The following MYBPC2 variants were observed in gnomAD, a reference collection of about 807,000 sequenced individuals.
The protein encoded by MYBPC2 is myosin-binding protein C, fast-type.
In MYBPC2, 122 loss-of-function variants were observed where a neutral mutation model predicts 137.0. That is an observed-to-expected ratio of 0.89 (90% CI 0.77 to 1.03). MYBPC2 has a LOEUF of 1.03. Among genes scored for constraint, MYBPC2 ranks in the 50% least tolerant of loss-of-function variants. The probability of loss-of-function intolerance (pLI) is 0.00; values close to 1 mark genes in which losing one functional copy is unlikely to be tolerated. For missense variants in MYBPC2, 1,500 were observed against 1,534.4 expected (o/e 0.98, Z 0.37); for synonymous variants, 626 against 612.3 (o/e 1.02, Z -0.33).
In MYBPC2 at chr19:50,459,245, C is replaced by T. The variant is rs775129408; in HGVS notation, c.2730C>T (p.Tyr910=). ...RQAARSDSGE[Y]ELSVQIENMK... is the part of the protein sequence containing the mutation. The stretch of plus-strand genomic sequence containing the variant: ...CGGCCCGCTCCGACTCCGGGGAGTA[C>T]GAGCTGAGCGTGCAGATCGAGAACA... The change falls in exon 23 of 28, where the codon TAC becomes TAT. Residue 910 remains tyrosine, a synonymous_variant. Transcript: ENST00000357701. 3.1e-6 allele frequency: 5 copies of T among 1,611,302 alleles called. No individual in the cohort carries two copies. Among genetic ancestry groups the T allele is most frequent in the South Asian group, 1.1e-5 (1 of 91,002 alleles).
intron 11 of MYBPC2, among the ~76,000 whole-genome samples, chr19:50,444,132 GTCCATCCA>G (rs3087049): frequency 0.017 from 2,481 of 144,560 alleles, 33 homozygotes; most frequent in Middle Eastern, 0.021. Context: ...CATCCACCCA[GTCCATCCA>G]TCCATCCATC....
At chr19:50,458,090 T>A (rs2039930161) in intron 20 of MYBPC2, among the ~76,000 whole-genome samples, 1 of 151,170 alleles carries the variant, frequency 6.6e-6, no homozygotes. Context: ...GGTGGGCGGA[T>A]CACGAGGTCA....
At position 50,440,949 on chromosome 19, in the gene MYBPC2, T is replaced by G; in HGVS notation, c.642T>G (p.Ile214Met). 6.2e-7 allele frequency: 1 copy of G among 1,613,484 alleles called. No homozygotes were observed. The highest frequency in any genetic ancestry group is 8.5e-7 in the Non-Finnish European group (1 of 1,179,722). The change falls in exon 8 of 28, where the codon ATT becomes ATG. Residue 214 changes from isoleucine to methionine, a missense_variant. Ile to Met is a conservative substitution (Grantham distance 10). Coordinates refer to ENST00000357701, the MANE Select transcript of MYBPC2 (RefSeq NM_004533.4). ...ATGACCTAGGCATCCCCCCGGAGAT[T>G]TGGGAGCTCCTGAAAGGGGCAAAGA... ...DDDDLGIPPE[I>M]WELLKGAKKS...
chr19:50,440,888 T>TGGA lies in MYBPC2; in HGVS notation c.589_591dup (p.Glu197dup), dbSNP rs1211262950. ...GTTCCCCCACCCGCCAGGGAGGTGG[T>TGGA]GGAGGAGGAGAAGAAGAAGAAAAAG... On this transcript the variant is annotated inframe_insertion, in exon 8 of 28. Transcript: ENST00000357701. 3.7e-6 allele frequency: 6 copies of TGGA among 1,610,696 alleles called. No individual in the cohort carries two copies. Among genetic ancestry groups the TGGA allele is most frequent in the Non-Finnish European group, 5.1e-6 (6 of 1,178,384 alleles).
In MYBPC2 at chr19:50,459,260, G is replaced by C. The variant is rs371362496; in HGVS notation, c.2745G>C (p.Gln915His). The C allele has an allele frequency of 6.2e-7, 1 of 1,611,000 alleles. No homozygotes were observed. Among genetic ancestry groups the C allele is most frequent in the African/African-American group, 1.3e-5 (1 of 74,726 alleles). Residue 915 changes from glutamine to histidine, a missense_variant, in exon 23 of 28, where the codon CAG becomes CAC. By Grantham distance (24) the Gln-to-His change is conservative (BLOSUM62 0). Transcript: ENST00000357701. ...CCGGGGAGTACGAGCTGAGCGTGCA[G>C]ATCGAGAACATGAAGGACACCGCCA... is the stretch of plus-strand genomic sequence containing the variant. ...SDSGEYELSVQIENMKDTATI... is the reference protein window; with the variant it reads ...SDSGEYELSVHIENMKDTATI...
chr19:50,435,202 G>T lies in MYBPC2; in HGVS notation c.61G>T (p.Ala21Ser). Residue 21 changes from alanine to serine, a missense_variant, in exon 2 of 28, where the codon GCC becomes TCC. Transcript: ENST00000357701. The surrounding 1 kb of genome is among the most constrained non-coding windows in gnomAD (Gnocchi z 4.8). ...CAAAGGCAAAGATGCCCCCAAAGGA[G>T]CCCCCAAGGAGGCTCCCCCTAAGGA... ...APKGKDAPKG[A>S]PKEAPPKEAP... 6.9e-7 allele frequency: 1 copy of T among 1,439,016 alleles called. No individual in the cohort carries two copies. The allele number at this position is 1,439,016 out of a possible 1,614,324, so 89.1% of individuals were successfully genotyped here. A position where few individuals can be genotyped will look rare whatever the true frequency, so the allele number is the denominator to read the frequency against.
At chr19:50,464,595 G>A (rs987407436) in intron 27 of MYBPC2, 63 bp downstream of exon 27, 15 of 1,498,358 alleles carry the variant, frequency 1.0e-5, no homozygotes, top group Admixed American at 4.3e-5. Flanking sequence ...CAGCCTGGCC[G>A]GTGGCCCCGG....
chr19:50,444,806 G>A (rs1046715314), intron 11 of MYBPC2, among the ~76,000 whole-genome samples: 1 of 150,444 alleles, frequency 6.6e-6, no homozygotes, highest in Non-Finnish European at 1.5e-5. Context: ...CATGAACCTG[G>A]GAGGCGGAGC....
At chr19:50,464,840 G>A (rs954740476) in intron 27 of MYBPC2, among the ~76,000 whole-genome samples, 8 of 152,228 alleles carry the variant, frequency 5.3e-5, no homozygotes, top group South Asian at 2.1e-4. Flanking sequence ...CTGGGCCCCC[G>A]TAGGCAGATG....
intron 11 of MYBPC2, among the ~76,000 whole-genome samples, chr19:50,444,290 TCATCCATCCATC>T (rs66680495): frequency 3.9e-4 from 46 of 117,902 alleles, no homozygotes; most frequent in African/African-American, 7.4e-4. Context: ...GTCCATCCAT[TCATCCATCCATC>T]CATCCATCCA....
chr19:50,437,668 G>T lies in MYBPC2; in HGVS notation c.522G>T (p.Lys174Asn). The change falls in exon 7 of 28, where the codon AAG becomes AAT. Residue 174 changes from lysine (K) to asparagine (N), a missense_variant. Lys to Asn is a moderately conservative substitution (Grantham distance 94, BLOSUM62 0). Transcript: ENST00000357701. ...CTCTCAATGGCCACAGGAGTGAAAA[G>T]AAGTCGGATACTGCAGGTGAGCTGG... ...SLESFKRTSE[K>N]KSDTAGELDF... 1 of 1,604,750 alleles carries T rather than the reference G, an allele frequency of 6.2e-7. No homozygotes were observed. The highest frequency in any genetic ancestry group is 8.5e-7 in the Non-Finnish European group (1 of 1,175,598).
At chr19:50,461,514 G>C in intron 24 of MYBPC2, 28 bp from the exon 25 acceptor site, 1 of 1,605,666 alleles carries the variant, frequency 6.2e-7, no homozygotes, top group African/African-American at 1.3e-5. Context: ...GCCCCGACCC[G>C]CCTGGTCCCT....
chr19:50,440,677 C>A lies in MYBPC2; in HGVS notation c.573-203C>A, dbSNP rs74628202. On this transcript the variant is annotated intron_variant, in intron 7 of 27. Coordinates refer to ENST00000357701, the MANE Select transcript of MYBPC2 (RefSeq NM_004533.4). ...GAATCTGTCTCAAAAAAAAAAAAAA[C>A]CAAAAAACCCAGTGGGGACTGTGCT... 5.1e-3 allele frequency among the ~76,000 whole-genome samples: 458 copies of A among 89,510 alleles called. 21 individuals carry two copies. The highest frequency in any genetic ancestry group is 0.011 in the Middle Eastern group (2 of 188). 58.7% of individuals were successfully genotyped at this position (89,510 alleles called of 152,430 possible). A position where few individuals can be genotyped will look rare whatever the true frequency, so the allele number is the denominator to read the frequency against.
chr19:50,437,700 G>C lies in MYBPC2; in HGVS notation c.554G>C (p.Ser185Thr), dbSNP rs750573077. Residue 185 changes from serine to threonine, a missense_variant, in exon 7 of 28, where the codon AGT becomes ACT. Physicochemically the swap from Ser to Thr is moderately conservative, Grantham distance 58. Transcript: ENST00000357701. ...KSDTAGELDF[S>T]GLLKKREVVE... is the part of the protein sequence containing the mutation. ...GATACTGCAGGTGAGCTGGATTTCA[G>C]TGGCCTGTTGAAGAAGAGGTGAGCC... is the stretch of plus-strand genomic sequence containing the variant. 1 of 1,604,352 alleles carries C rather than the reference G, an allele frequency of 6.2e-7. No individual in the cohort carries two copies. Among genetic ancestry groups the C allele is most frequent in the Non-Finnish European group, 8.5e-7 (1 of 1,175,362 alleles).
At position 50,436,098 on chromosome 19, in the gene MYBPC2, G is replaced by C. The variant is rs780036020; in HGVS notation, c.283G>C (p.Glu95Gln). 6 of 1,582,308 alleles carry C rather than the reference G, an allele frequency of 3.8e-6. No individual in the cohort carries two copies. The highest frequency in any genetic ancestry group is 3.4e-6 in the Non-Finnish European group (4 of 1,164,672). The change falls in exon 4 of 28, where the codon GAG becomes CAG. Residue 95 changes from glutamate to glutamine, a missense_variant. Coordinates refer to ENST00000357701, the MANE Select transcript of MYBPC2 (RefSeq NM_004533.4). ...TIKWFKGKWLELGSKSGARFS... is the reference protein window; with the variant it reads ...TIKWFKGKWLQLGSKSGARFS... ...CAAGTGGTTCAAGGGGAAGTGGCTG[G>C]AGCTGGGCAGCAAGAGTGGCGCCCG...
chr19:50,463,283 A>C (rs1225325843), intron 26 of MYBPC2, among the ~76,000 whole-genome samples: 2 of 152,154 alleles, frequency 1.3e-5, no homozygotes, highest in African/African-American at 4.8e-5. Context: ...ATTATTTACC[A>C]TCTGGTCCTT....
chr19:50,445,486 G>T (rs567975226), intron 11 of MYBPC2, among the ~76,000 whole-genome samples: 2 of 150,172 alleles, frequency 1.3e-5, no homozygotes, highest in African/African-American at 4.9e-5. Flanking sequence ...TCTGCCTCCC[G>T]GATTCAAGCA....
rs767653141 is a variant in MYBPC2, at chr19:50,440,937, C to T, written c.630C>T (p.Ile210=). 1.1e-5 allele frequency: 17 copies of T among 1,613,610 alleles called. No homozygotes were observed. The South Asian group carries it at 1.1e-4, about 10-fold the overall frequency. ...KKKKDDDDLG[I]PPEIWELLKG... ...AGAAAGATGACGATGACCTAGGCAT[C>T]CCCCCGGAGATTTGGGAGCTCCTGA... The change falls in exon 8 of 28, where the codon ATC becomes ATT. Residue 210 remains isoleucine (I), a synonymous_variant. Transcript: ENST00000357701.
At chr19:50,464,255 T>G in intron 26 of MYBPC2, 91 bp from the exon 27 acceptor site, 2 of 1,218,192 alleles carry the variant, frequency 1.6e-6, no homozygotes, top group African/African-American at 3.0e-5. Context: ...TGGCAGAGCC[T>G]AGAACCCAGA....
Sources: gnomAD v4.1 joint callset for allele counts (sites outside exome capture counted in the v4.1 genomes callset) on GRCh38, gnomAD v4.1.1 for gene constraint, Gnocchi (gnomAD v3.1) non-coding constraint, MANE v1.5 for transcripts, NCBI Gene and HGNC (gene_info 2026-07-23, HGNC 2026-07-21) for gene names.